Variants in KCNMA1 observed in about 807,000 individuals in gnomAD.
KCNMA1 encodes Calcium-activated potassium channel subunit alpha-1.
Under a neutral mutation model 140.0 loss-of-function variants are expected in KCNMA1, and 29 were observed. That is an observed-to-expected ratio of 0.21 (90% CI 0.15 to 0.28). KCNMA1 has a LOEUF of 0.28. Among genes scored for constraint, KCNMA1 ranks in the 10% least tolerant of loss-of-function variants. The pLI is 1.00. For synonymous variants in KCNMA1, 612 were observed against 611.9 expected (o/e 1.00, Z 0.00); for missense variants, 880 against 1,602.2 (o/e 0.55, Z 7.70).
At chr10:77,443,185 T>C (rs1272362317) in intron 1 of KCNMA1, among the ~76,000 whole-genome samples, 1 of 151,916 alleles carries the variant, frequency 6.6e-6, no homozygotes, top group Admixed American at 6.6e-5. Flanking sequence ...GGAAAGGCTG[T>C]CCCTCCCAGG....
chr10:77,184,416 C>T (rs2098830555), intron 4 of KCNMA1, among the ~76,000 whole-genome samples: 1 of 152,158 alleles, frequency 6.6e-6, no homozygotes, highest in Non-Finnish European at 1.5e-5. Context: ...GATGGGATTT[C>T]ACCAGGTTGG....
chr10:77,637,243 G>A (rs1043939160), intron 1 of KCNMA1, 22 bp downstream of exon 1: 2 of 1,582,954 alleles, frequency 1.3e-6, no homozygotes, highest in Admixed American at 1.7e-5. Context: ...CGCAGAGGGC[G>A]GGCGCCCGGG....
At chr10:76,971,733 C>T (rs752662329) in intron 19 of KCNMA1, among the ~76,000 whole-genome samples, 1 of 152,112 alleles carries the variant, frequency 6.6e-6, no homozygotes, top group Admixed American at 6.5e-5. Context: ...GGGATGATAT[C>T]GCATCTTATC....
At chr10:77,400,233 G>A (rs1343372224) in intron 2 of KCNMA1, among the ~76,000 whole-genome samples, 1 of 152,122 alleles carries the variant, frequency 6.6e-6, no homozygotes, top group Non-Finnish European at 1.5e-5. Flanking sequence ...GCTCCTAAAG[G>A]GCAGGCCTAT....
intron 1 of KCNMA1, among the ~76,000 whole-genome samples, chr10:77,573,861 A>G (rs2154561532): frequency 6.9e-6 from 1 of 144,978 alleles, no homozygotes; most frequent in South Asian, 2.2e-4. Flanking sequence ...TTTCTGAGAC[A>G]GGGTCTCACT....
chr10:77,045,663 T>C (rs1003155685), intron 14 of KCNMA1, among the ~76,000 whole-genome samples: 1 of 152,234 alleles, frequency 6.6e-6, no homozygotes, highest in African/African-American at 2.4e-5. Flanking sequence ...CCAGGTTCTG[T>C]GTGTGTCACT....
At chr10:77,497,407 T>C (rs1039092738) in intron 1 of KCNMA1, among the ~76,000 whole-genome samples, 1 of 152,156 alleles carries the variant, frequency 6.6e-6, no homozygotes, top group South Asian at 2.1e-4. Flanking sequence ...GCACTGGAAG[T>C]CGATGCCCCT....
chr10:77,356,703 T>A (rs1175728516), intron 2 of KCNMA1, among the ~76,000 whole-genome samples: 2 of 152,204 alleles, frequency 1.3e-5, no homozygotes, highest in Non-Finnish European at 2.9e-5. Context: ...CTATTATCTT[T>A]ACCTGACTAG....
chr10:76,994,611 A>AT (rs2083670488), intron 19 of KCNMA1, among the ~76,000 whole-genome samples: 1 of 152,036 alleles, frequency 6.6e-6, no homozygotes. Context: ...GAGAAACATA[A>AT]TTTTTCAGCA....
At chr10:77,228,759 T>A (rs1599336474) in intron 3 of KCNMA1, among the ~76,000 whole-genome samples, 3 of 152,282 alleles carry the variant, frequency 2.0e-5, no homozygotes, top group Admixed American at 2.0e-4. Context: ...TTTCCCTCCC[T>A]CATTATTCAC....
intron 2 of KCNMA1, among the ~76,000 whole-genome samples, chr10:77,300,490 CAAG>C (rs1026786535): frequency 1.3e-5 from 2 of 152,106 alleles, no homozygotes; most frequent in Non-Finnish European, 2.9e-5. Flanking sequence ...AGATCAGTTT[CAAG>C]AAGCACATTT....
At chr10:77,163,182 T>A (rs2154082040) in intron 5 of KCNMA1, among the ~76,000 whole-genome samples, 1 of 152,314 alleles carries the variant, frequency 6.6e-6, no homozygotes, top group East Asian at 1.9e-4. Context: ...GCTAAAAATG[T>A]TTTCCCCCTA....
At chr10:77,107,718 C>T (rs2097224326) in intron 9 of KCNMA1, among the ~76,000 whole-genome samples, 1 of 152,196 alleles carries the variant, frequency 6.6e-6, no homozygotes, top group African/African-American at 2.4e-5. Context: ...ATGTAGTACC[C>T]TAAACTACCA....
chr10:77,055,544 C>T (rs2095514190), intron 14 of KCNMA1, among the ~76,000 whole-genome samples: 1 of 151,418 alleles, frequency 6.6e-6, no homozygotes, highest in African/African-American at 2.4e-5. Flanking sequence ...CCTCCTGTGC[C>T]CCAACACCAA....
intron 9 of KCNMA1, among the ~76,000 whole-genome samples, chr10:77,107,353 T>C (rs1391193654): frequency 6.6e-6 from 1 of 152,188 alleles, no homozygotes; most frequent in African/African-American, 2.4e-5. Flanking sequence ...GGTAGGATGA[T>C]AGTGACTGGG....
chr10:76,967,727 C>A (rs563105863), intron 20 of KCNMA1, among the ~76,000 whole-genome samples: 1 of 152,108 alleles, frequency 6.6e-6, no homozygotes, highest in Non-Finnish European at 1.5e-5. Flanking sequence ...GACATCCCAG[C>A]GACAGGAACT....
At chr10:77,180,886 A>G (rs1159702788) in intron 5 of KCNMA1, among the ~76,000 whole-genome samples, 1 of 152,166 alleles carries the variant, frequency 6.6e-6, no homozygotes, top group Non-Finnish European at 1.5e-5. Flanking sequence ...GTTTGTGCCA[A>G]TAGATTTTTT....
chr10:76,981,346 A>G (rs1482609413), intron 19 of KCNMA1, among the ~76,000 whole-genome samples: 3 of 152,240 alleles, frequency 2.0e-5, no homozygotes, highest in African/African-American at 7.2e-5. Flanking sequence ...TGTCATAAAA[A>G]CAAGAAAAGC....
At chr10:77,311,695 A>C (rs624713) in intron 2 of KCNMA1, among the ~76,000 whole-genome samples, 1 of 152,274 alleles carries the variant, frequency 6.6e-6, no homozygotes, top group South Asian at 2.1e-4. Context: ...CCAGAATCCA[A>C]TGATTTGTCT....
Sources: allele counts gnomAD v4.1 joint callset (sites outside exome capture counted in the v4.1 genomes callset), GRCh38; gene constraint gnomAD v4.1.1; transcripts MANE v1.5; gene names NCBI Gene and HGNC (gene_info 2026-07-23, HGNC 2026-07-21).